The following GREB1 variants were observed in gnomAD, a reference collection of about 807,000 sequenced individuals.
GREB1 encodes the protein protein GREB1.
In GREB1, 106 loss-of-function variants were observed where a neutral mutation model predicts 200.7. The observed-to-expected ratio is 0.53, with a 90% confidence interval of 0.45 to 0.62. GREB1 has a LOEUF of 0.62. Ranked by LOEUF, GREB1 falls within the 20% of genes least tolerant of loss-of-function variation. GREB1 has a pLI of 0.00. For synonymous variants in GREB1, 1,132 were observed against 1,092.4 expected, an observed-to-expected ratio of 1.04 and a Z score of -0.72; for missense variants, 2,243 against 2,556.8, an observed-to-expected ratio of 0.88 and a Z score of 2.65.
chr2:11,609,242 T>TTTTTTTTTTTTATTTA lies in GREB1; in HGVS notation c.2667-1443_2667-1442insTTTTTTTTATTTATTT, dbSNP rs142161972. On this transcript the variant is annotated intron_variant, in intron 17 of 32. Coordinates refer to ENST00000381486, the MANE Select transcript of GREB1 (RefSeq NM_014668.4). ...CTTTCTTTCTTCCTGGGCATTATTA[T>TTTTTTTTTTTTATTTA]TTTATTTATTTATTTATTTATTTAT... is the stretch of plus-strand genomic sequence containing the variant. Among the ~76,000 whole-genome samples the TTTTTTTTTTTTATTTA allele has an allele frequency of 1.0e-4, 14 of 136,920 alleles. No homozygotes were observed. The East Asian group carries it at 2.8e-3, about 27-fold the overall frequency. The allele number at this position is 136,920 out of a possible 152,430, so 89.8% of individuals were successfully genotyped here. A position where few individuals can be genotyped will look rare whatever the true frequency, so the allele number is the denominator to read the frequency against.
rs764982210 is a variant in GREB1 at position 11,580,335 on chromosome 2, G to A, written c.773-369G>A. On this transcript the variant is annotated intron_variant, in intron 6 of 32. Transcript: ENST00000381486. The surrounding 1 kb of genome is among the most constrained non-coding windows in gnomAD (Gnocchi z 4.5). ...GGTCCTGGAATTCAGGAAGTCCCCC[G>A]GTCCTTCTTTAACTCAGGCTGTGTG... 1.4e-4 allele frequency among the ~76,000 whole-genome samples: 21 copies of A among 152,158 alleles called. No homozygotes were observed. Among genetic ancestry groups the A allele is most frequent in the Admixed American group, 1.3e-3 (20 of 15,274 alleles).
chr2:11,637,617 A>C, intron 30 of GREB1, 99 bp from the exon 31 acceptor site: 1 of 945,528 alleles, frequency 1.1e-6, no homozygotes, highest in Non-Finnish European at 1.6e-6. Context: ...CCTGAGTGAC[A>C]CAAGCTCCCA....
chr2:11,633,038 G>A lies in GREB1; in HGVS notation c.4966G>A (p.Val1656Ile). Residue 1656 changes from valine (V) to isoleucine (I), a missense_variant, in exon 28 of 33, where the codon GTC becomes ATC. Physicochemically the swap from Val to Ile is conservative, Grantham distance 29. Coordinates refer to ENST00000381486, the MANE Select transcript of GREB1 (RefSeq NM_014668.4). The surrounding 1 kb of genome is among the most constrained non-coding windows in gnomAD (Gnocchi z 4.1). ...DSCVMWNVVD[V>I]NSAGERSREF... is the part of the protein sequence containing the mutation. ...CTGCGTGATGTGGAACGTGGTGGATGTCAACTCTGCTGGGGAGAGAAGCAG... is the reference window on the plus strand; with the variant it reads ...CTGCGTGATGTGGAACGTGGTGGATATCAACTCTGCTGGGGAGAGAAGCAG... The A allele has an allele frequency of 6.2e-7, 1 of 1,614,192 alleles. No individual in the cohort carries two copies. The highest frequency in any genetic ancestry group is 8.5e-7 in the Non-Finnish European group (1 of 1,180,022).
In GREB1 at chr2:11,525,163, C is replaced by T. The variant is rs532878421; in HGVS notation, c.-158-31294C>T. Among the ~76,000 whole-genome samples, 25 of 152,228 alleles carry T rather than the reference C, an allele frequency of 1.6e-4. No homozygotes were observed. The South Asian group carries it at 4.6e-3, about 28-fold the overall frequency. ...GATACGTGAGGTGCTTCTCTGAACTCATACTGATATGAGCCAAGCAATTTA... is the reference window on the plus strand; with the variant it reads ...GATACGTGAGGTGCTTCTCTGAACTTATACTGATATGAGCCAAGCAATTTA... On this transcript the variant is annotated intron_variant, in intron 1 of 2. Coordinates refer to the GREB1 transcript ENST00000628795.
intron 1 of GREB1, among the ~76,000 whole-genome samples, chr2:11,545,230 G>A (rs534658983): frequency 1.3e-5 from 2 of 152,046 alleles, no homozygotes; most frequent in Admixed American, 1.3e-4. Context: ...CGCCTCCCAG[G>A]TTCAAGCGAT....
intron 1 of GREB1, among the ~76,000 whole-genome samples, chr2:11,508,875 T>C (rs370202502): frequency 4.9e-4 from 70 of 143,072 alleles, no homozygotes; most frequent in African/African-American, 1.3e-3. Context: ...CTTTCTCTCT[T>C]TTTTTTTTTT....
intron 3 of GREB1, 81 bp from the exon 4 acceptor site, chr2:11,566,399 A>T (rs1052402345): frequency 1.4e-6 from 2 of 1,397,558 alleles, no homozygotes; most frequent in East Asian, 4.7e-5. Flanking sequence ...GAGCAGACCC[A>T]GAACGTTTCC....
At position 11,633,039 on chromosome 2, in the gene GREB1, T is replaced by G. The variant is rs778787709; in HGVS notation, c.4967T>G (p.Val1656Gly). ...DSCVMWNVVDVNSAGERSREF... is the reference protein window; with the variant it reads ...DSCVMWNVVDGNSAGERSREF... ...TGCGTGATGTGGAACGTGGTGGATG[T>G]CAACTCTGCTGGGGAGAGAAGCAGG... Residue 1656 changes from valine (V) to glycine (G), a missense_variant, in exon 28 of 33, where the codon GTC (valine) becomes GGC (glycine). This residue lies in a region of GREB1 where 478 missense variants were observed against 616.3 expected (regional missense o/e 0.78). Transcript: ENST00000381486. The surrounding 1 kb of genome is among the most constrained non-coding windows in gnomAD (Gnocchi z 4.1). The G allele has an allele frequency of 3.1e-6, 5 of 1,614,150 alleles. No individual in the cohort carries two copies. In the South Asian group the frequency reaches 5.5e-5, roughly 18 times the overall value.
chr2:11,631,791 C>T, intron 26 of GREB1, 118 bp from the exon 27 acceptor site: 1 of 772,714 alleles, frequency 1.3e-6, no homozygotes, highest in Non-Finnish European at 2.2e-6. Flanking sequence ...GCTGAAAATT[C>T]CAGCAGTGTA....
chr2:11,548,537 A>G lies in GREB1; in HGVS notation c.-161-7917A>G, dbSNP rs927152079. Among the ~76,000 whole-genome samples the G allele has an allele frequency of 2.6e-5, 4 of 152,216 alleles. No homozygotes were observed. Among genetic ancestry groups the G allele is most frequent in the African/African-American group, 9.6e-5 (4 of 41,460 alleles). ...CATCTTATTCTTCCTGCACCTGTCA[A>G]TAATACATCCCCATATTCTGATAGA... On this transcript the variant is annotated intron_variant, in intron 1 of 32. Coordinates refer to ENST00000381486, the MANE Select transcript of GREB1 (RefSeq NM_014668.4). This position sits in a 1 kb window ranked among gnomAD's most constrained non-coding sequence, Gnocchi z 5.1.
chr2:11,494,030 C>G (rs1213603065), intron 1 of GREB1, among the ~76,000 whole-genome samples: 1 of 152,212 alleles, frequency 6.6e-6, no homozygotes, highest in Non-Finnish European at 1.5e-5. Context: ...GGCTGCTTCA[C>G]CACTCCTTAT....
At chr2:11,544,875 T>C (rs1302774628) in intron 1 of GREB1, among the ~76,000 whole-genome samples, 1 of 152,186 alleles carries the variant, frequency 6.6e-6, no homozygotes, top group African/African-American at 2.4e-5. Flanking sequence ...AGTGCAGTAG[T>C]GCGTTCTCAG....
At chr2:11,628,091 T>C in intron 25 of GREB1, among the ~76,000 whole-genome samples, 1 of 151,826 alleles carries the variant, frequency 6.6e-6, no homozygotes, top group Non-Finnish European at 1.5e-5. Flanking sequence ...AAATGCCTGG[T>C]GGGCACTGTG....
intron 23 of GREB1, among the ~76,000 whole-genome samples, chr2:11,624,006 GT>G (rs1486230002): frequency 6.6e-6 from 1 of 152,214 alleles, no homozygotes; most frequent in Non-Finnish European, 1.5e-5. Flanking sequence ...TGCACAATGT[GT>G]TTGTTTTAAG....
intron 1 of GREB1, among the ~76,000 whole-genome samples, chr2:11,545,400 G>A (rs1033985709): frequency 2.0e-5 from 3 of 152,160 alleles, no homozygotes; most frequent in Admixed American, 6.5e-5. Flanking sequence ...CCAAAGTGCT[G>A]GGACTACAGG....
intron 1 of GREB1, among the ~76,000 whole-genome samples, chr2:11,485,608 T>C (rs1672638845): frequency 6.6e-6 from 1 of 152,202 alleles, no homozygotes; most frequent in South Asian, 2.1e-4. Context: ...GTTTCTCACT[T>C]GTCACTTTCA....
intron 1 of GREB1, among the ~76,000 whole-genome samples, chr2:11,518,007 T>G (rs1673569141): frequency 6.6e-6 from 1 of 152,196 alleles, no homozygotes; most frequent in South Asian, 2.1e-4. Context: ...AGGAGTGAGT[T>G]TGTTTTTTGT....
intron 12 of GREB1, among the ~76,000 whole-genome samples, 180 bp downstream of exon 12, chr2:11,595,559 G>T (rs1681135547): frequency 6.6e-6 from 1 of 152,144 alleles, no homozygotes; most frequent in South Asian, 2.1e-4. Context: ...GACAGCTGCG[G>T]GTTCTGGCTG....
chr2:11,611,646 C>T (rs1013825627), intron 18 of GREB1, among the ~76,000 whole-genome samples: 22 of 152,124 alleles, frequency 1.4e-4, no homozygotes, highest in African/African-American at 5.3e-4. Flanking sequence ...TTCAGGAAGC[C>T]ACCCTCCCCC....
Sources: allele counts gnomAD v4.1 joint callset (sites outside exome capture counted in the v4.1 genomes callset), GRCh38; gene constraint gnomAD v4.1.1; regional missense constraint gnomAD v4.1.1; non-coding constraint Gnocchi (gnomAD v3.1); transcripts MANE v1.5; gene names NCBI Gene and HGNC (gene_info 2026-07-23, HGNC 2026-07-21).